RASGRF1: variants seen among roughly 807,000 people sequenced by gnomAD.
RASGRF1 encodes Ras protein specific guanine nucleotide releasing factor 1.
RASGRF1 carries 40 observed loss-of-function variants against 138.7 expected under a neutral mutation model. That is an observed-to-expected ratio of 0.29 (90% confidence interval 0.22 to 0.38). The LOEUF (loss-of-function observed/expected upper bound fraction) is 0.38. Among genes scored for constraint, RASGRF1 ranks in the 10% least tolerant of loss-of-function variants. RASGRF1 has a pLI of 1.00. For synonymous variants in RASGRF1, 614 were observed against 663.2 expected (o/e 0.93, Z 1.14); for missense variants, 1,108 against 1,650.4 (o/e 0.67, Z 5.69).
intron 1 of RASGRF1, among the ~76,000 whole-genome samples, chr15:79,067,568 T>TGA (rs1227533193): frequency 6.6e-6 from 1 of 152,208 alleles, no homozygotes; most frequent in Non-Finnish European, 1.5e-5. Flanking sequence ...TCGAATGACT[T>TGA]GAGAGCAGTT....
In RASGRF1 at chr15:79,032,062, T is replaced by A; in HGVS notation, c.1152+61A>T. On this transcript the variant is annotated intron_variant, in intron 7 of 26. Coordinates refer to ENST00000558480, the MANE Select transcript of RASGRF1 (RefSeq NM_001145648.3). This position sits in a 1 kb window ranked among gnomAD's most constrained non-coding sequence, Gnocchi z 4.5. ...GTTAAGCACTGTGCCCCCACCGCCA[T>A]GGTCCATCCCCCACACCTGCCTCCC... 6.5e-7 allele frequency: 1 copy of A among 1,541,310 alleles called. No individual in the cohort carries two copies. The highest frequency in any genetic ancestry group is 8.8e-7 in the Non-Finnish European group (1 of 1,135,710).
At chr15:79,033,883 C>G (rs1468303873) in intron 6 of RASGRF1, among the ~76,000 whole-genome samples, 1 of 152,212 alleles carries the variant, frequency 6.6e-6, no homozygotes, top group Non-Finnish European at 1.5e-5. Context: ...AGTCACCGTG[C>G]TCGGCCAAAA....
chr15:79,079,041 A>C (rs1242997173), intron 1 of RASGRF1, among the ~76,000 whole-genome samples: 1 of 152,260 alleles, frequency 6.6e-6, no homozygotes, highest in African/African-American at 2.4e-5. Flanking sequence ...TTTCAGAATC[A>C]GCCTCGAACG....
intron 16 of RASGRF1, 57 bp downstream of exon 16, chr15:79,001,605 C>T: frequency 6.3e-7 from 1 of 1,581,788 alleles, no homozygotes. Context: ...TCGACTTGAC[C>T]TACTGCCCTC....
At chr15:78,972,948 G>A (rs906588668) in intron 25 of RASGRF1, among the ~76,000 whole-genome samples, 4 of 152,172 alleles carry the variant, frequency 2.6e-5, no homozygotes, top group South Asian at 2.1e-4. Context: ...ACCTGGACCC[G>A]GGCTCCAGAC....
intron 10 of RASGRF1, among the ~76,000 whole-genome samples, chr15:79,024,897 CACAT>C (rs1369758956): frequency 1.3e-5 from 2 of 150,458 alleles, no homozygotes; most frequent in African/African-American, 5.0e-5. Context: ...ACACCACGCA[CACAT>C]ACACACACAC....
chr15:79,005,549 C>T, intron 14 of RASGRF1: 1 of 985,796 alleles, frequency 1.0e-6, no homozygotes, highest in South Asian at 4.7e-5. Flanking sequence ...TGAACTTGGC[C>T]TACTGCTGGA....
At chr15:78,975,655 C>T (rs2055856663) in intron 24 of RASGRF1, among the ~76,000 whole-genome samples, 1 of 152,046 alleles carries the variant, frequency 6.6e-6, no homozygotes, top group South Asian at 2.1e-4. Flanking sequence ...GGACTACATG[C>T]ATGCACCACC....
intron 1 of RASGRF1, among the ~76,000 whole-genome samples, chr15:79,082,198 C>A (rs2057923125): frequency 6.6e-6 from 1 of 152,210 alleles, no homozygotes; most frequent in Non-Finnish European, 1.5e-5. Flanking sequence ...ACCATTAGCA[C>A]CATATTCTCC....
chr15:79,002,513 T>C (rs2056553597), intron 15 of RASGRF1, among the ~76,000 whole-genome samples: 1 of 152,136 alleles, frequency 6.6e-6, no homozygotes, highest in East Asian at 1.9e-4. Context: ...CACAGGCACA[T>C]GCACACGCAC....
intron 6 of RASGRF1, among the ~76,000 whole-genome samples, chr15:79,033,029 C>A (rs1247428447): frequency 6.6e-6 from 1 of 152,214 alleles, no homozygotes; most frequent in Non-Finnish European, 1.5e-5. Context: ...TGAGTCTCTG[C>A]TCCTTCGTTC....
chr15:79,089,794 G>A (rs993622293), intron 1 of RASGRF1, among the ~76,000 whole-genome samples: 3 of 152,234 alleles, frequency 2.0e-5, no homozygotes, highest in Admixed American at 6.5e-5. Context: ...GCCTAAGCGC[G>A]GGGAATTACA....
chr15:79,015,379 T>A lies in RASGRF1; in HGVS notation c.1774A>T (p.Met592Leu). 1.2e-6 allele frequency: 2 copies of A among 1,613,934 alleles called. No homozygotes were observed. Among genetic ancestry groups the A allele is most frequent in the Non-Finnish European group, 1.7e-6 (2 of 1,179,768 alleles). ...GAATTTTCTTCAAATGCGTTCATCA[T>A]GAGCCCATTGCATCGGATGTTATCC... is the stretch of plus-strand genomic sequence containing the variant. ...CVDNIRCNGLMMNAFEENSKV... is the reference protein window; with the variant it reads ...CVDNIRCNGLLMNAFEENSKV... Residue 592 changes from methionine (M) to leucine (L), a missense_variant, in exon 13 of 27, where the codon ATG (methionine) becomes TTG (leucine). Met to Leu is a conservative substitution (Grantham distance 15). Transcript: ENST00000558480.
Position 78,973,186 on chromosome 15 carries a change from A to G in RASGRF1, c.3612+117T>C. On this transcript the variant is annotated intron_variant, in intron 25 of 26. Coordinates refer to ENST00000558480, the MANE Select transcript of RASGRF1 (RefSeq NM_001145648.3). This position sits in a 1 kb window ranked among gnomAD's most constrained non-coding sequence, Gnocchi z 4.9. ...TGGGGAAGCTGGACCCAGGCTCCCAAATGGGGGCACCCTATGCAGCAGGTT... is the reference window on the plus strand; with the variant it reads ...TGGGGAAGCTGGACCCAGGCTCCCAGATGGGGGCACCCTATGCAGCAGGTT... The G allele has an allele frequency of 1.3e-6, 1 of 784,048 alleles. No individual in the cohort carries two copies. The highest frequency in any genetic ancestry group is 3.4e-4 in the Middle Eastern group (1 of 2,910). The allele number at this position is 784,048 out of a possible 1,614,324, so 48.6% of individuals were successfully genotyped here.
At chr15:78,984,354 C>T (rs2056102270) in intron 23 of RASGRF1, 1 of 156,128 alleles carries the variant, frequency 6.4e-6, no homozygotes, top group African/African-American at 2.4e-5. Flanking sequence ...ATTGTCCTCT[C>T]CTATAAGGAG....
At chr15:78,983,121 G>A (rs980020085) in intron 23 of RASGRF1, among the ~76,000 whole-genome samples, 11 of 152,234 alleles carry the variant, frequency 7.2e-5, no homozygotes, top group Non-Finnish European at 1.3e-4. Context: ...GTGTCCATGG[G>A]ACGCCTGTAG....
At chr15:79,030,214 T>A (rs1278459564) in intron 8 of RASGRF1, among the ~76,000 whole-genome samples, 1 of 152,296 alleles carries the variant, frequency 6.6e-6, no homozygotes. Context: ...TGGCTGCCCC[T>A]TGCCGGCCTC....
intron 13 of RASGRF1, chr15:79,012,503 T>C (rs2056815821): frequency 2.5e-6 from 4 of 1,609,948 alleles, no homozygotes; most frequent in Non-Finnish European, 3.4e-6. Context: ...TCATTTCTGC[T>C]TCCCTGGTCC....
chr15:79,070,307 G>A (rs1288687979), intron 1 of RASGRF1, among the ~76,000 whole-genome samples: 1 of 152,170 alleles, frequency 6.6e-6, no homozygotes, highest in East Asian at 1.9e-4. Context: ...CCCCTACCTG[G>A]GCAGCTCCCC....
Sources: gnomAD v4.1 joint callset for allele counts (sites outside exome capture counted in the v4.1 genomes callset) on GRCh38, gnomAD v4.1.1 for gene constraint, Gnocchi (gnomAD v3.1) non-coding constraint, MANE v1.5 for transcripts, NCBI Gene and HGNC (gene_info 2026-07-23, HGNC 2026-07-21) for gene names.